The following SEMA4B variants were observed in gnomAD, a reference collection of about 807,000 sequenced individuals.
SEMA4B encodes semaphorin 4B, also known as semaphorin-4B.
In SEMA4B, 55 loss-of-function variants were observed where a neutral mutation model predicts 88.1. The observed-to-expected ratio is 0.62, with a 90% CI of 0.50 to 0.78. The LOEUF (loss-of-function observed/expected upper bound fraction) is 0.78, where lower values mean the gene tolerates loss of function less well. SEMA4B is among the 30% of genes least tolerant of loss of function. SEMA4B has a pLI of 0.00. For synonymous variants in SEMA4B, 525 were observed against 473.6 expected (o/e 1.11, Z -1.41); for missense variants, 1,062 against 1,111.9 (o/e 0.96, Z 0.64).
intron 11 of SEMA4B, 125 bp downstream of exon 11, chr15:90,225,522 T>C: frequency 7.8e-7 from 1 of 1,288,508 alleles, no homozygotes; most frequent in Non-Finnish European, 1.1e-6. Context: ...GATCCAGTCA[T>C]GAACTATTAG....
intron 1 of SEMA4B, among the ~76,000 whole-genome samples, chr15:90,208,905 C>A (rs1297957892): frequency 6.6e-6 from 1 of 152,042 alleles, no homozygotes; most frequent in Non-Finnish European, 1.5e-5. Context: ...CCATGCCCAG[C>A]TAATTTTTGC....
intron 7 of SEMA4B, 121 bp downstream of exon 7, chr15:90,221,886 A>T: frequency 1.2e-6 from 1 of 825,818 alleles, no homozygotes; most frequent in South Asian, 2.0e-5. Flanking sequence ...CTTGGCTAAC[A>T]GCTTTTCTCT....
chr15:90,221,377 C>G lies in SEMA4B; in HGVS notation c.606C>G (p.Leu202=), dbSNP rs773634744. The G allele has an allele frequency of 6.4e-7, 1 of 1,563,388 alleles. No individual in the cohort carries two copies. The highest frequency in any genetic ancestry group is 8.7e-7 in the Non-Finnish European group (1 of 1,154,794). The part of the protein sequence containing the change: ...KSTALVVDGE[L]YTGTVSSFQG... ...ATGTTTTCTTGGCAGATGGCGAGCTCTACACTGGAACAGTCAGCAGCTTCC... is the reference window on the plus strand; with the variant it reads ...ATGTTTTCTTGGCAGATGGCGAGCTGTACACTGGAACAGTCAGCAGCTTCC... Residue 202 remains leucine, a synonymous_variant, in exon 6 of 14, where the codon CTC becomes CTG. Transcript: ENST00000411539.
intron 1 of SEMA4B, among the ~76,000 whole-genome samples, chr15:90,192,645 C>T (rs1182347839): frequency 7.6e-6 from 1 of 131,510 alleles, no homozygotes; most frequent in African/African-American, 2.9e-5. Flanking sequence ...GGCTGGAGTG[C>T]AGTGGCACGA....
intron 1 of SEMA4B, among the ~76,000 whole-genome samples, chr15:90,211,939 G>A (rs944398796): frequency 1.3e-5 from 2 of 152,148 alleles, no homozygotes; most frequent in African/African-American, 4.8e-5. Context: ...ACAGTAGAGA[G>A]AAAGGTGGGG....
intron 1 of SEMA4B, among the ~76,000 whole-genome samples, chr15:90,206,211 T>A (rs1960979747): frequency 6.6e-6 from 1 of 152,178 alleles, no homozygotes. Context: ...TCCACCCCCA[T>A]GGGTGCTCAG....
intron 10 of SEMA4B, 26 bp downstream of exon 10, chr15:90,225,204 C>T: frequency 6.4e-7 from 1 of 1,569,890 alleles, no homozygotes; most frequent in Non-Finnish European, 8.6e-7. Flanking sequence ...CCAGCAGGCT[C>T]AGGGGAAGGG....
In SEMA4B at chr15:90,225,506, A is replaced by G. The variant is rs541784127; in HGVS notation, c.1521+109A>G. ...TCCCTTGCCTCAGGAGGATGGAAAGATAAAGGATCCAGTCATGAACTATTA... is the reference window on the plus strand; with the variant it reads ...TCCCTTGCCTCAGGAGGATGGAAAGGTAAAGGATCCAGTCATGAACTATTA... On this transcript the variant is annotated intron_variant, in intron 11 of 13. Coordinates refer to ENST00000411539, the MANE Select transcript of SEMA4B (RefSeq NM_198925.4). 2.7e-4 allele frequency: 348 copies of G among 1,308,790 alleles called. 4 individuals carry two copies. In the South Asian group the frequency reaches 4.2e-3, roughly 16 times the overall value. 81.1% of individuals were successfully genotyped at this position (1,308,790 alleles called of 1,614,324 possible).
At position 90,215,891 on chromosome 15, in the gene SEMA4B, G is replaced by A. The variant is rs150536370; in HGVS notation, c.158-1548G>A. On this transcript the variant is annotated intron_variant, in intron 1 of 13. Transcript: ENST00000411539. Reference sequence around the variant, plus strand: ...AGTATAGAAGGGCTTATTATAAAAAGCAAAAACGTCTGTCCTCCCTCACCC... The same window carrying A: ...AGTATAGAAGGGCTTATTATAAAAAACAAAAACGTCTGTCCTCCCTCACCC... Among the ~76,000 whole-genome samples the A allele has an allele frequency of 3.6e-4, 55 of 152,190 alleles. 1 individual carries two copies. Among genetic ancestry groups the A allele is most frequent in the Admixed American group, 5.2e-4 (8 of 15,268 alleles).
In SEMA4B at chr15:90,229,227, C is replaced by CT. The variant is rs1411734388; in HGVS notation, c.*585dup. On this transcript the variant is annotated 3_prime_UTR_variant, in exon 14 of 14. Coordinates refer to ENST00000411539, the MANE Select transcript of SEMA4B (RefSeq NM_198925.4). ...TCCCACCACCTCAGGGACCAGAGGGCTAGGTTGGCACTGCGGCCCTCACCA... is the reference window on the plus strand; with the variant it reads ...TCCCACCACCTCAGGGACCAGAGGGCTTAGGTTGGCACTGCGGCCCTCACCA... The CT allele has an allele frequency of 2.3e-6, 1 of 444,156 alleles. No homozygotes were observed. Among genetic ancestry groups the CT allele is most frequent in the East Asian group, 7.1e-5 (1 of 14,144 alleles). 27.5% of individuals were successfully genotyped at this position (444,156 alleles called of 1,614,324 possible). A position where few individuals can be genotyped will look rare whatever the true frequency, so the allele number is the denominator to read the frequency against.
chr15:90,214,798 A>G (rs536472779), intron 1 of SEMA4B: 7 of 304,082 alleles, frequency 2.3e-5, no homozygotes, highest in East Asian at 2.0e-4. Flanking sequence ...GCGAAGACTC[A>G]TTGACCTACT....
chr15:90,202,158 A>T (rs1320025846), intron 1 of SEMA4B, among the ~76,000 whole-genome samples: 1 of 152,268 alleles, frequency 6.6e-6, no homozygotes, highest in Non-Finnish European at 1.5e-5. Context: ...AGCAAGTCGC[A>T]GCAGGGCCGG....
In SEMA4B at chr15:90,219,873, C is replaced by T. The variant is rs941277720; in HGVS notation, c.465C>T (p.Ser155=). 41 of 1,612,730 alleles carry T rather than the reference C, an allele frequency of 2.5e-5. No homozygotes were observed. The highest frequency in any genetic ancestry group is 2.9e-5 in the Non-Finnish European group (34 of 1,179,514). The change falls in exon 4 of 14, where the codon AGC becomes AGT. Residue 155 remains serine (S), a synonymous_variant. Coordinates refer to ENST00000411539, the MANE Select transcript of SEMA4B (RefSeq NM_198925.4). Reference sequence around the variant, plus strand: ...TCACCTGTGGCACAGCAGCCTTCAGCCCCATGTGTACCTACATCGTGAGTG... The same window carrying T: ...TCACCTGTGGCACAGCAGCCTTCAGTCCCATGTGTACCTACATCGTGAGTG... ...HLFTCGTAAF[S]PMCTYINMEN...
intron 12 of SEMA4B, among the ~76,000 whole-genome samples, chr15:90,226,329 T>C (rs76316738): frequency 0.027 from 4,132 of 152,278 alleles, 171 homozygotes; most frequent in African/African-American, 0.093. Context: ...AAAAATCCTT[T>C]TATTTTATTT....
intron 1 of SEMA4B, among the ~76,000 whole-genome samples, chr15:90,196,220 G>C (rs982688595): frequency 6.6e-6 from 1 of 151,910 alleles, no homozygotes; most frequent in Non-Finnish European, 1.5e-5. Flanking sequence ...GAGCTGCTGG[G>C]CTTAGCCTGT....
At chr15:90,194,341 T>C (rs1408772801) in intron 1 of SEMA4B, among the ~76,000 whole-genome samples, 2 of 151,890 alleles carry the variant, frequency 1.3e-5, no homozygotes, top group African/African-American at 4.8e-5. Flanking sequence ...AGACCAGCCG[T>C]GACCAACATG....
chr15:90,219,004 AG>A (rs924315269), intron 3 of SEMA4B, among the ~76,000 whole-genome samples: 7 of 142,034 alleles, frequency 4.9e-5, no homozygotes, highest in South Asian at 2.2e-4. Context: ...TTGGGAGGCC[AG>A]GGGAAGGCTG....
At chr15:90,217,191 A>C in intron 1 of SEMA4B, 1 of 375,900 alleles carries the variant, frequency 2.7e-6, no homozygotes, top group South Asian at 6.5e-5. Context: ...TCAGTTTTTT[A>C]TTAATGTGAA....
At chr15:90,222,250 TTTTC>T (rs1236808651) in intron 7 of SEMA4B, among the ~76,000 whole-genome samples, 4,753 of 111,646 alleles carry the variant, frequency 0.043, 244 homozygotes, top group African/African-American at 0.19. Context: ...ATTTTTTTTC[TTTTC>T]TTTTTTTTTT....
Sources: allele counts gnomAD v4.1 joint callset (sites outside exome capture counted in the v4.1 genomes callset), GRCh38; gene constraint gnomAD v4.1.1; transcripts MANE v1.5; gene names NCBI Gene and HGNC (gene_info 2026-07-23, HGNC 2026-07-21).